TBL1Y: variants seen among roughly 807,000 people sequenced by gnomAD.
The protein encoded by TBL1Y is transducin beta like 1 Y-linked, also known as F-box-like/WD repeat-containing protein TBL1Y.
In TBL1Y, 15 loss-of-function variants were observed where a neutral mutation model predicts 12.0. The ratio of observed to expected loss-of-function variants is 1.25; its 90% CI spans 0.83 to 1.92. TBL1Y has a LOEUF of 1.92. TBL1Y is among the 40% of genes most tolerant of loss of function. The pLI is 0.00. For synonymous variants in TBL1Y, 53 were observed against 42.6 expected, an observed-to-expected ratio of 1.24 and a Z score of -0.95; for missense variants, 148 against 116.7, an observed-to-expected ratio of 1.27 and a Z score of -1.24.
intron 12 of TBL1Y, among the ~76,000 whole-genome samples, chrY:7,072,657 C>T: frequency 5.8e-5 from 2 of 34,444 alleles, no homozygotes; most frequent in Admixed American, 5.2e-4. Flanking sequence ...CCTACGAAGC[C>T]GTTTAGAATT....
chrY:7,053,803 A>G (rs1054933498), intron 7 of TBL1Y, among the ~76,000 whole-genome samples: 2 of 33,206 alleles, frequency 6.0e-5, no homozygotes, highest in Non-Finnish European at 7.4e-5. Flanking sequence ...ATCGCCCTCA[A>G]TCTTCAAGGA....
chrY:7,027,684 A>AAAAC (rs1452392277), intron 6 of TBL1Y, among the ~76,000 whole-genome samples: 11 of 32,510 alleles, frequency 3.4e-4, no homozygotes, highest in African/African-American at 3.6e-4. Flanking sequence ...TCCGTCTCAA[A>AAAAC]AAACAAACAA....
At chrY:7,062,885 C>T (rs1422019259) in intron 7 of TBL1Y, among the ~76,000 whole-genome samples, 4 of 33,974 alleles carry the variant, frequency 1.2e-4, no homozygotes, top group Non-Finnish European at 2.2e-4. Context: ...GAACCCCCTG[C>T]GGCTTTCTCA....
At chrY:7,064,179 G>A in intron 8 of TBL1Y, 30 bp downstream of exon 8, 2 of 395,616 alleles carry the variant, frequency 5.1e-6, no homozygotes, top group South Asian at 6.0e-5. Flanking sequence ...AAGTTTGGTG[G>A]GCCTCTCTGG....
intron 2 of TBL1Y, among the ~76,000 whole-genome samples, chrY:6,915,731 C>G (rs757735023): frequency 3.0e-5 from 1 of 33,496 alleles, no homozygotes; most frequent in African/African-American, 1.2e-4. Context: ...AATTCAGATT[C>G]TCTGCCCCAC....
At chrY:7,063,789 G>A in intron 7 of TBL1Y, 108 bp from the exon 8 acceptor site, 1 of 290,744 alleles carries the variant, frequency 3.4e-6, no homozygotes, top group South Asian at 3.5e-5. Context: ...CTGGGAGCCA[G>A]CTATTTATGC....
intron 8 of TBL1Y, among the ~76,000 whole-genome samples, chrY:7,066,646 G>A (rs1355618792): frequency 3.1e-5 from 1 of 32,180 alleles, no homozygotes; most frequent in Non-Finnish European, 7.5e-5. Context: ...AATTACCGGC[G>A]TCAGCCACCA....
intron 2 of TBL1Y, among the ~76,000 whole-genome samples, chrY:6,929,374 G>GC (rs2011847467): frequency 3.0e-5 from 1 of 33,740 alleles, no homozygotes; most frequent in Non-Finnish European, 7.4e-5. Flanking sequence ...CAAAGGCTGA[G>GC]CATGTCAGTG....
intron 8 of TBL1Y, among the ~76,000 whole-genome samples, chrY:7,069,504 G>A (rs1016244136): frequency 1.8e-4 from 6 of 33,683 alleles, no homozygotes; most frequent in Admixed American, 1.1e-3. Flanking sequence ...GTGTCCACAC[G>A]TGGTTGTACC....
chrY:7,029,311 C>T, intron 6 of TBL1Y, among the ~76,000 whole-genome samples: 6 of 33,357 alleles, frequency 1.8e-4, no homozygotes, highest in Non-Finnish European at 3.0e-4. Context: ...CTTCCTCTGT[C>T]ACCCAGGCTG....
chrY:7,034,438 C>T, intron 6 of TBL1Y, among the ~76,000 whole-genome samples: 1 of 33,511 alleles, frequency 3.0e-5, no homozygotes, highest in African/African-American at 1.2e-4. Flanking sequence ...TGATCCCCAT[C>T]AAGCTACCAT....
At chrY:7,001,570 G>C in intron 4 of TBL1Y, among the ~76,000 whole-genome samples, 1 of 31,827 alleles carries the variant, frequency 3.1e-5, no homozygotes, top group African/African-American at 1.2e-4. Flanking sequence ...AGTGAGCTGA[G>C]ATTGCATTAC....
rs775236800 is a variant in TBL1Y at position 7,063,941 on chromosome Y, G to A, written c.249G>A (p.Leu83=). 2.5e-6 allele frequency: 1 copy of A among 395,969 alleles called. No individual in the cohort carries two copies. Among genetic ancestry groups the A allele is most frequent in the African/African-American group, 6.4e-5 (1 of 15,537 alleles). Residue 83 remains leucine (L), a synonymous_variant, in exon 8 of 19, where the codon CTG becomes CTA. Transcript: ENST00000383032. The part of the protein sequence containing the change: ...FDSRPIESLS[L]IVAVIPDVVQ... ...GCCGCCCTATAGAGTCCCTGTCCCTGATAGTTGCTGTGATTCCTGATGTGG... is the reference window on the plus strand; with the variant it reads ...GCCGCCCTATAGAGTCCCTGTCCCTAATAGTTGCTGTGATTCCTGATGTGG...
intron 2 of TBL1Y, among the ~76,000 whole-genome samples, chrY:6,934,241 C>A (rs911206913): frequency 3.0e-5 from 1 of 33,280 alleles, no homozygotes; most frequent in Non-Finnish European, 7.4e-5. Context: ...AGTGTCCACA[C>A]CTGCCCCCCT....
At chrY:6,939,227 T>G (rs771209968) in intron 2 of TBL1Y, among the ~76,000 whole-genome samples, 1 of 34,028 alleles carries the variant, frequency 2.9e-5, no homozygotes, top group South Asian at 6.8e-4. Context: ...CACAGAGCGC[T>G]GATTGGTGTG....
chrY:7,070,907 G>T, intron 10 of TBL1Y, 46 bp downstream of exon 10: 1 of 371,391 alleles, frequency 2.7e-6, no homozygotes, highest in Non-Finnish European at 3.7e-6. Context: ...GGTAAAATCT[G>T]CCAGCCAGGC....
chrY:7,070,784 C>A lies in TBL1Y; in HGVS notation c.655C>A (p.Leu219Ile), dbSNP rs1390140256. The A allele has an allele frequency of 5.0e-6, 2 of 397,832 alleles. No homozygotes were observed. The highest frequency in any genetic ancestry group is 6.0e-5 in the South Asian group (2 of 33,234). Residue 219 changes from leucine (L) to isoleucine (I), a missense_variant, in exon 10 of 19, where the codon CTC (leucine) becomes ATC (isoleucine). Coordinates refer to ENST00000383032, the MANE Select transcript of TBL1Y (RefSeq NM_033284.2). ...NENSNGGSTQ[L>I]VLRHCIREGG... Reference sequence around the variant, plus strand: ...GAATAGCAACGGGGGCTCCACCCAGCTCGTGTTGAGACATTGTATACGAGA... The same window carrying A: ...GAATAGCAACGGGGGCTCCACCCAGATCGTGTTGAGACATTGTATACGAGA...
intron 8 of TBL1Y, among the ~76,000 whole-genome samples, chrY:7,065,196 G>C: frequency 3.0e-5 from 1 of 33,208 alleles, no homozygotes; most frequent in Non-Finnish European, 7.4e-5. Context: ...TTGTGTCAAG[G>C]GCAGGACCAG....
At chrY:7,030,993 G>C in intron 6 of TBL1Y, among the ~76,000 whole-genome samples, 2 of 33,245 alleles carry the variant, frequency 6.0e-5, no homozygotes, top group Non-Finnish European at 1.5e-4. Context: ...ATGATACATA[G>C]ATAAGAGACA....
Sources: gnomAD v4.1 joint callset for allele counts (sites outside exome capture counted in the v4.1 genomes callset) on GRCh38, gnomAD v4.1.1 for gene constraint, MANE v1.5 for transcripts, NCBI Gene and HGNC (gene_info 2026-07-23, HGNC 2026-07-21) for gene names.